CALCR: variants seen among roughly 807,000 people sequenced by gnomAD.
CALCR encodes the protein calcitonin receptor.
A neutral mutation model predicts 59.5 loss-of-function variants in CALCR; 47 were observed. The observed-to-expected ratio is 0.79, with a 90% CI of 0.63 to 1.01. The LOEUF (loss-of-function observed/expected upper bound fraction) is 1.01, where lower values mean the gene tolerates loss of function less well. CALCR is among the 50% of genes least tolerant of loss of function. CALCR has a pLI of 0.00. For missense variants in CALCR, 566 were observed against 597.1 expected, an observed-to-expected ratio of 0.95 and a Z score of 0.54; for synonymous variants, 213 against 211.3, an observed-to-expected ratio of 1.01 and a Z score of -0.07.
chr7:93,474,818 A>C (rs770501305), intron 5 of CALCR, among the ~76,000 whole-genome samples: 107 of 151,778 alleles, frequency 7.0e-4, no homozygotes, highest in Non-Finnish European at 1.4e-3. Flanking sequence ...GCATTTTTCT[A>C]TGTTAACAAA....
chr7:93,438,212 G>C lies in CALCR; in HGVS notation c.861C>G (p.Asp287Glu), dbSNP rs1799823632. 6.2e-7 allele frequency: 1 copy of C among 1,612,498 alleles called. No individual in the cohort carries two copies. ...TTAAACATCACCATAATACTTACTT[G>C]TCATTGAAGTACACGGCCCTGGTAA... Reference protein sequence around the residue: ...HAITRAVYFNDNCWLSVETHL... With the variant: ...HAITRAVYFNENCWLSVETHL... The change falls in exon 10 of 14, where the codon GAC (aspartate) becomes GAG (glutamate). Residue 287 changes from aspartate to glutamate, a missense_variant and splice_region_variant. Coordinates refer to ENST00000426151, the MANE Select transcript of CALCR (RefSeq NM_001742.4).
intron 2 of CALCR, among the ~76,000 whole-genome samples, chr7:93,489,637 C>A (rs1801030120): frequency 6.6e-6 from 1 of 151,906 alleles, no homozygotes; most frequent in Admixed American, 6.6e-5. Flanking sequence ...ACTGTAAACA[C>A]CTCTACACAA....
intron 8 of CALCR, among the ~76,000 whole-genome samples, chr7:93,457,097 C>T (rs777231574): frequency 1.2e-4 from 18 of 152,118 alleles, no homozygotes; most frequent in African/African-American, 2.4e-4. Context: ...AAAAAGCCTA[C>T]GAAAGTGGAA....
chr7:93,534,144 A>G (rs1292020697), intron 2 of CALCR, among the ~76,000 whole-genome samples: 1 of 151,874 alleles, frequency 6.6e-6, no homozygotes, highest in Non-Finnish European at 1.5e-5. Flanking sequence ...TAAAGCTAAG[A>G]AACATGATTT....
chr7:93,503,518 A>C (rs1460805166), intron 2 of CALCR, among the ~76,000 whole-genome samples: 1 of 152,150 alleles, frequency 6.6e-6, no homozygotes, highest in Non-Finnish European at 1.5e-5. Flanking sequence ...GGTGGGATTG[A>C]AAGTGATTGA....
chr7:93,553,029 G>T (rs962900123), intron 2 of CALCR, among the ~76,000 whole-genome samples: 5 of 152,158 alleles, frequency 3.3e-5, no homozygotes, highest in African/African-American at 1.2e-4. Context: ...GCTACATAAT[G>T]GACACCTGAC....
At chr7:93,502,326 C>A (rs1262841650) in intron 2 of CALCR, among the ~76,000 whole-genome samples, 1 of 152,014 alleles carries the variant, frequency 6.6e-6, no homozygotes, top group East Asian at 1.9e-4. Context: ...AGTCAATAAG[C>A]GGCAGAGACA....
chr7:93,481,757 T>A (rs1800802490), intron 3 of CALCR, among the ~76,000 whole-genome samples: 1 of 151,906 alleles, frequency 6.6e-6, no homozygotes, highest in African/African-American at 2.4e-5. Flanking sequence ...TTTGTTGATT[T>A]CTAATTTTAA....
intron 2 of CALCR, among the ~76,000 whole-genome samples, chr7:93,556,775 C>T (rs548212855): frequency 9.7e-4 from 147 of 152,044 alleles, no homozygotes; most frequent in African/African-American, 3.3e-3. Flanking sequence ...AGGTGTATGG[C>T]ATAATACATT....
chr7:93,455,438 TC>T (rs893987002), intron 8 of CALCR, among the ~76,000 whole-genome samples: 1 of 152,024 alleles, frequency 6.6e-6, no homozygotes, highest in African/African-American at 2.4e-5. Context: ...TCTTCTTTTT[TC>T]CCCTTGTCTC....
intron 2 of CALCR, among the ~76,000 whole-genome samples, chr7:93,519,992 A>G (rs1225222104): frequency 2.0e-5 from 3 of 152,080 alleles, no homozygotes; most frequent in Non-Finnish European, 4.4e-5. Context: ...GCAGTATGAA[A>G]ATAAACTGAT....
intron 2 of CALCR, among the ~76,000 whole-genome samples, chr7:93,553,498 A>T (rs1789518869): frequency 6.6e-6 from 1 of 151,728 alleles, no homozygotes; most frequent in South Asian, 2.1e-4. Flanking sequence ...TTTTTGCACA[A>T]CAAATTTTGG....
intron 2 of CALCR, among the ~76,000 whole-genome samples, chr7:93,538,119 G>T (rs1483437191): frequency 6.6e-6 from 1 of 151,916 alleles, no homozygotes; most frequent in Non-Finnish European, 1.5e-5. Flanking sequence ...AACTTAAATT[G>T]TTAATAAAGC....
At chr7:93,438,378 G>T in intron 9 of CALCR, 108 bp from the exon 10 acceptor site, 1 of 810,492 alleles carries the variant, frequency 1.2e-6, no homozygotes, top group Non-Finnish European at 2.1e-6. Flanking sequence ...CAAATTGAGT[G>T]CATCTGTCAA....
At chr7:93,481,660 G>A (rs947085993) in intron 3 of CALCR, among the ~76,000 whole-genome samples, 2 of 151,776 alleles carry the variant, frequency 1.3e-5, no homozygotes, top group African/African-American at 4.8e-5. Flanking sequence ...AGAGAAGAGG[G>A]TGAATACTTA....
chr7:93,471,502 T>G (rs1399749652), intron 6 of CALCR, among the ~76,000 whole-genome samples: 1 of 151,904 alleles, frequency 6.6e-6, no homozygotes, highest in Non-Finnish European at 1.5e-5. Flanking sequence ...AAAACTTTTC[T>G]ACACCCTGAA....
intron 6 of CALCR, among the ~76,000 whole-genome samples, chr7:93,469,812 T>C (rs763482636): frequency 2.0e-5 from 3 of 151,768 alleles, no homozygotes; most frequent in Non-Finnish European, 4.4e-5. Context: ...TTGGTATGAA[T>C]GCAAATGTAG....
At chr7:93,531,296 T>G (rs1218367219) in intron 2 of CALCR, among the ~76,000 whole-genome samples, 5 of 152,022 alleles carry the variant, frequency 3.3e-5, no homozygotes, top group Non-Finnish European at 5.9e-5. Context: ...CTTTAGGCAA[T>G]GGGGGAATGG....
chr7:93,473,656 C>T (rs1320389327), intron 5 of CALCR, among the ~76,000 whole-genome samples: 1 of 148,626 alleles, frequency 6.7e-6, no homozygotes, highest in Non-Finnish European at 1.5e-5. Flanking sequence ...CTTACTATCC[C>T]TCCAACCAGC....
Sources: allele counts gnomAD v4.1 joint callset (sites outside exome capture counted in the v4.1 genomes callset), GRCh38; gene constraint gnomAD v4.1.1; transcripts MANE v1.5; gene names NCBI Gene and HGNC (gene_info 2026-07-23, HGNC 2026-07-21).